Variants in FRYL observed in about 807,000 individuals in gnomAD.
The protein encoded by FRYL is FRY like transcription coactivator.
In FRYL, 150 loss-of-function variants were observed where a neutral mutation model predicts 351.2. That is an observed-to-expected ratio of 0.43 (90% CI 0.37 to 0.49). The LOEUF is 0.49. FRYL is among the 20% of genes least tolerant of loss of function. The probability of loss-of-function intolerance (pLI) is 0.00; values close to 1 mark genes in which losing one functional copy is unlikely to be tolerated. For synonymous variants in FRYL, 1,153 were observed against 1,257.1 expected, an observed-to-expected ratio of 0.92 and a Z score of 1.75; for missense variants, 3,036 against 3,619.3, an observed-to-expected ratio of 0.84 and a Z score of 4.13.
At chr4:48,624,318 C>T (rs1283452090) in intron 4 of FRYL, among the ~76,000 whole-genome samples, 2 of 151,968 alleles carry the variant, frequency 1.3e-5, no homozygotes, top group Admixed American at 1.3e-4. Flanking sequence ...GTAATATCTA[C>T]AAAACACAGA....
chr4:48,544,952 T>TA, intron 42 of FRYL, 48 bp from the exon 43 acceptor site: 3 of 1,563,286 alleles, frequency 1.9e-6, no homozygotes, highest in Non-Finnish European at 2.6e-6. Context: ...CACTTGTGAT[T>TA]AACAGTTGTA....
intron 50 of FRYL, among the ~76,000 whole-genome samples, chr4:48,529,963 G>A (rs1162711623): frequency 6.6e-6 from 1 of 152,122 alleles, no homozygotes; most frequent in African/African-American, 2.4e-5. Context: ...GTTTCCTTTA[G>A]TTGTTGCCTT....
intron 3 of FRYL, among the ~76,000 whole-genome samples, chr4:48,665,201 A>C (rs190056625): frequency 6.6e-6 from 1 of 152,302 alleles, no homozygotes; most frequent in East Asian, 1.9e-4. Context: ...TTAATAGCCC[A>C]ATTTGTTCCT....
intron 47 of FRYL, among the ~76,000 whole-genome samples, chr4:48,536,211 C>T (rs537797534): frequency 6.6e-6 from 1 of 152,288 alleles, no homozygotes; most frequent in African/African-American, 2.4e-5. Context: ...AGGGAATTCT[C>T]AGGGAGGCTC....
intron 1 of FRYL, among the ~76,000 whole-genome samples, chr4:48,750,989 G>C (rs1286965521): frequency 1.3e-5 from 2 of 152,148 alleles, no homozygotes; most frequent in African/African-American, 2.4e-5. Flanking sequence ...TTCAGGCTGA[G>C]CAACACTTAC....
intron 1 of FRYL, among the ~76,000 whole-genome samples, chr4:48,714,129 G>C (rs1473289232): frequency 1.3e-5 from 2 of 152,132 alleles, no homozygotes; most frequent in Non-Finnish European, 2.9e-5. Flanking sequence ...GCAGTGTGTA[G>C]AGGGAAATTT....
intron 57 of FRYL, among the ~76,000 whole-genome samples, chr4:48,511,614 T>A (rs940461958): frequency 1.3e-5 from 2 of 152,134 alleles, no homozygotes; most frequent in African/African-American, 4.8e-5. Context: ...AAAGCATAAA[T>A]CCGCACTTTC....
At chr4:48,711,935 G>A (rs1309121891) in intron 1 of FRYL, among the ~76,000 whole-genome samples, 4 of 152,172 alleles carry the variant, frequency 2.6e-5, no homozygotes, top group East Asian at 3.9e-4. Flanking sequence ...TGCAAACACC[G>A]CTGCTAATAC....
chr4:48,678,066 C>T (rs1246946198), intron 3 of FRYL, among the ~76,000 whole-genome samples: 1 of 152,110 alleles, frequency 6.6e-6, no homozygotes, highest in Non-Finnish European at 1.5e-5. Context: ...TTTGTATATG[C>T]AATATAAATT....
chr4:48,613,467 G>A (rs1748662685), intron 7 of FRYL, among the ~76,000 whole-genome samples: 1 of 152,114 alleles, frequency 6.6e-6, no homozygotes, highest in Non-Finnish European at 1.5e-5. Context: ...GACAGCTAAC[G>A]ACAACACTCA....
chr4:48,718,655 C>G (rs1159600639), intron 1 of FRYL, among the ~76,000 whole-genome samples: 3 of 151,458 alleles, frequency 2.0e-5, no homozygotes, highest in South Asian at 2.1e-4. Flanking sequence ...TCTACAGACA[C>G]CTTCAACTGC....
intron 1 of FRYL, among the ~76,000 whole-genome samples, chr4:48,728,611 C>T (rs758819394): frequency 5.3e-5 from 8 of 152,048 alleles, no homozygotes; most frequent in African/African-American, 1.9e-4. Context: ...AAATCATACG[C>T]AACTACAGAA....
chr4:48,677,404 T>C (rs1322253396), intron 3 of FRYL, among the ~76,000 whole-genome samples: 3 of 151,902 alleles, frequency 2.0e-5, no homozygotes, highest in African/African-American at 7.3e-5. Context: ...CGATTTTTTG[T>C]GTGTGTGTTT....
intron 23 of FRYL, among the ~76,000 whole-genome samples, 179 bp from the exon 24 acceptor site, chr4:48,576,401 C>G (rs1474649864): frequency 1.3e-5 from 2 of 151,714 alleles, no homozygotes; most frequent in South Asian, 4.2e-4. Flanking sequence ...ACCTCTCAGG[C>G]TCAAGTGATC....
At chr4:48,501,519 C>CAG in intron 62 of FRYL, 104 bp downstream of exon 62, 1 of 701,894 alleles carries the variant, frequency 1.4e-6, no homozygotes, top group South Asian at 1.6e-5. Context: ...AAAAAAGACT[C>CAG]ACTCTAAGTG....
intron 3 of FRYL, among the ~76,000 whole-genome samples, chr4:48,642,069 T>C (rs1215970923): frequency 6.6e-6 from 1 of 152,218 alleles, no homozygotes; most frequent in Non-Finnish European, 1.5e-5. Context: ...TTACTCACTA[T>C]CATAAACTAA....
At chr4:48,562,160 TACC>T (rs887066333) in intron 32 of FRYL, among the ~76,000 whole-genome samples, 2 of 152,152 alleles carry the variant, frequency 1.3e-5, no homozygotes, top group Non-Finnish European at 2.9e-5. Context: ...GAAAAAGATT[TACC>T]ACTTTTCTCG....
chr4:48,715,661 G>A (rs1578813119), intron 1 of FRYL, among the ~76,000 whole-genome samples: 1 of 151,936 alleles, frequency 6.6e-6, no homozygotes. Flanking sequence ...ATGCTCATGG[G>A]TAGGAAGAAT....
In FRYL at chr4:48,606,962, C is replaced by T. The variant is rs1370211860; in HGVS notation, c.573-356G>A. On this transcript the variant is annotated intron_variant, in intron 9 of 63. Transcript: ENST00000358350. ...AAATCAGTGTCTCCAACTTTTAAGG[C>T]TCTTTTTATATAAAGTCTGCAATTA... 4.6e-5 allele frequency among the ~76,000 whole-genome samples: 7 copies of T among 152,102 alleles called. No homozygotes were observed. The East Asian group carries it at 1.3e-3, about 29-fold the overall frequency.
Sources: gnomAD v4.1 joint callset for allele counts (sites outside exome capture counted in the v4.1 genomes callset) on GRCh38, gnomAD v4.1.1 for gene constraint, MANE v1.5 for transcripts, NCBI Gene and HGNC (gene_info 2026-07-23, HGNC 2026-07-21) for gene names.